The following ADGRB3 variants were observed in gnomAD, a reference collection of about 807,000 sequenced individuals.
ADGRB3 encodes the protein brain-specific angiogenesis inhibitor 3.
ADGRB3 carries 37 observed loss-of-function variants against 193.4 expected under a neutral mutation model. The ratio of observed to expected loss-of-function variants is 0.19; its 90% CI spans 0.15 to 0.25. ADGRB3 has a LOEUF of 0.25. Among genes scored for constraint, ADGRB3 ranks in the 10% least tolerant of loss-of-function variants. The probability of loss-of-function intolerance (pLI) is 1.00; values close to 1 mark genes in which losing one functional copy is unlikely to be tolerated. For synonymous variants in ADGRB3, 690 were observed against 644.2 expected, an observed-to-expected ratio of 1.07 and a Z score of -1.08; for missense variants, 1,637 against 1,852.9, an observed-to-expected ratio of 0.88 and a Z score of 2.14.
chr6:68,815,635 G>GTGTGCA (rs1767617992), intron 3 of ADGRB3, among the ~76,000 whole-genome samples: 1 of 146,832 alleles, frequency 6.8e-6, no homozygotes, highest in Non-Finnish European at 1.5e-5. Flanking sequence ...GTGTGTGTGT[G>GTGTGCA]TGTGTGCATG....
At chr6:69,068,317 A>G (rs1407461863) in intron 16 of ADGRB3, among the ~76,000 whole-genome samples, 1 of 152,202 alleles carries the variant, frequency 6.6e-6, no homozygotes, top group Non-Finnish European at 1.5e-5. Context: ...AGGACATATC[A>G]TTATATTGCT....
At chr6:68,786,330 A>T (rs1374446013) in intron 3 of ADGRB3, among the ~76,000 whole-genome samples, 2 of 152,104 alleles carry the variant, frequency 1.3e-5, no homozygotes, top group Non-Finnish European at 2.9e-5. Flanking sequence ...TAATTTTTGT[A>T]TAAGGTGTAA....
At chr6:69,170,828 T>G (rs1264673222) in intron 17 of ADGRB3, among the ~76,000 whole-genome samples, 1 of 152,104 alleles carries the variant, frequency 6.6e-6, no homozygotes, top group Non-Finnish European at 1.5e-5. Context: ...TTAGAGCTTA[T>G]TAGTGGCACA....
intron 17 of ADGRB3, among the ~76,000 whole-genome samples, chr6:69,187,263 T>C (rs1765090330): frequency 6.6e-6 from 1 of 152,202 alleles, no homozygotes; most frequent in African/African-American, 2.4e-5. Context: ...AATTTTAAAA[T>C]GTGAAAAATA....
intron 3 of ADGRB3, among the ~76,000 whole-genome samples, chr6:68,763,609 T>C (rs773011052): frequency 2.5e-4 from 38 of 152,228 alleles, no homozygotes; most frequent in Admixed American, 3.3e-4. Flanking sequence ...TAACTAGATG[T>C]TATCAGAAGT....
chr6:69,099,729 A>G (rs1772979823), intron 17 of ADGRB3, among the ~76,000 whole-genome samples: 1 of 152,216 alleles, frequency 6.6e-6, no homozygotes, highest in African/African-American at 2.4e-5. Flanking sequence ...CTTCATTCTC[A>G]TAGGGCAGAA....
intron 3 of ADGRB3, among the ~76,000 whole-genome samples, chr6:68,805,733 T>A (rs117915796): frequency 0.023 from 3,507 of 152,280 alleles, 66 homozygotes; most frequent in South Asian, 0.075. Context: ...GAGCCTACCA[T>A]AATGGCTGTA....
At chr6:68,920,658 C>CTA (rs2150242064) in intron 3 of ADGRB3, among the ~76,000 whole-genome samples, 1 of 151,820 alleles carries the variant, frequency 6.6e-6, no homozygotes, top group East Asian at 1.9e-4. Flanking sequence ...AAACTTAACC[C>CTA]TAAATTTCTA....
At chr6:69,243,022 A>G (rs1766416978) in intron 20 of ADGRB3, among the ~76,000 whole-genome samples, 1 of 151,894 alleles carries the variant, frequency 6.6e-6, no homozygotes, top group Admixed American at 6.6e-5. Flanking sequence ...AAAAGCATGT[A>G]TTGCTTTTGC....
At chr6:68,779,183 G>A (rs917108271) in intron 3 of ADGRB3, among the ~76,000 whole-genome samples, 8 of 151,504 alleles carry the variant, frequency 5.3e-5, no homozygotes, top group Non-Finnish European at 1.2e-4. Flanking sequence ...GGCTGCCTGG[G>A]CAACATTAAG....
At chr6:68,738,665 T>C (rs1765919684) in intron 3 of ADGRB3, among the ~76,000 whole-genome samples, 1 of 152,180 alleles carries the variant, frequency 6.6e-6, no homozygotes, top group East Asian at 1.9e-4. Flanking sequence ...CGTTAAGGTT[T>C]TTGGCATGAG....
At chr6:68,892,853 A>C (rs539567714) in intron 3 of ADGRB3, among the ~76,000 whole-genome samples, 1 of 152,194 alleles carries the variant, frequency 6.6e-6, no homozygotes, top group Non-Finnish European at 1.5e-5. Context: ...ATCAGTTGAA[A>C]GATGCAATTT....
chr6:68,848,766 G>A (rs1024833535), intron 3 of ADGRB3, among the ~76,000 whole-genome samples: 3 of 151,920 alleles, frequency 2.0e-5, no homozygotes, highest in African/African-American at 7.2e-5. Context: ...TGTCAAAATT[G>A]GTTCACCTTA....
At chr6:68,701,439 A>G (rs1049613085) in intron 3 of ADGRB3, among the ~76,000 whole-genome samples, 1 of 152,170 alleles carries the variant, frequency 6.6e-6, no homozygotes, top group African/African-American at 2.4e-5. Flanking sequence ...AGTCACACTC[A>G]ATACAGGGCT....
At chr6:68,782,844 G>A (rs1319036844) in intron 3 of ADGRB3, among the ~76,000 whole-genome samples, 2 of 151,550 alleles carry the variant, frequency 1.3e-5, no homozygotes, top group African/African-American at 2.4e-5. Flanking sequence ...TTGTAAATTT[G>A]TTTGAGTTCA....
At chr6:68,832,694 C>T (rs190147579) in intron 3 of ADGRB3, among the ~76,000 whole-genome samples, 9 of 152,176 alleles carry the variant, frequency 5.9e-5, no homozygotes, top group African/African-American at 2.2e-4. Flanking sequence ...GGGACTTTTA[C>T]TTGTCTTTCT....
At chr6:68,994,377 G>A (rs1488381293) in intron 11 of ADGRB3, among the ~76,000 whole-genome samples, 2 of 152,086 alleles carry the variant, frequency 1.3e-5, no homozygotes, top group African/African-American at 2.4e-5. Flanking sequence ...AGTTTGTTTA[G>A]GATTTTGCTA....
intron 20 of ADGRB3, among the ~76,000 whole-genome samples, chr6:69,290,055 A>T (rs776703289): frequency 8.5e-5 from 13 of 152,098 alleles, no homozygotes; most frequent in Non-Finnish European, 1.6e-4. Flanking sequence ...ATTGTGGCAC[A>T]TCTGGCTGCA....
At chr6:69,191,179 A>G (rs1388713803) in intron 17 of ADGRB3, among the ~76,000 whole-genome samples, 1 of 152,194 alleles carries the variant, frequency 6.6e-6, no homozygotes, top group Non-Finnish European at 1.5e-5. Context: ...ACATGTAGTT[A>G]TAATAAATCT....
Sources: gnomAD v4.1 joint callset for allele counts (sites outside exome capture counted in the v4.1 genomes callset) on GRCh38, gnomAD v4.1.1 for gene constraint, MANE v1.5 for transcripts, NCBI Gene and HGNC (gene_info 2026-07-23, HGNC 2026-07-21) for gene names.